PTPRD: variants seen among roughly 807,000 people sequenced by gnomAD.
PTPRD encodes protein tyrosine phosphatase receptor type D.
Under a neutral mutation model 214.5 loss-of-function variants are expected in PTPRD, and 34 were observed. The ratio of observed to expected loss-of-function variants is 0.16; its 90% CI spans 0.12 to 0.21. The LOEUF is 0.21. Among genes scored for constraint, PTPRD ranks in the 10% least tolerant of loss-of-function variants. The pLI, the probability that PTPRD is intolerant of heterozygous loss-of-function variation, is 1.00. For missense variants in PTPRD, 2,545 were observed against 2,398.7 expected (o/e 1.06, Z -1.27); for synonymous variants, 1,128 against 845.7 (o/e 1.33, Z -5.79).
At chr9:10,545,584 C>A (rs2130845959) in intron 2 of PTPRD, among the ~76,000 whole-genome samples, 1 of 152,096 alleles carries the variant, frequency 6.6e-6, no homozygotes, top group African/African-American at 2.4e-5. Context: ...TCAAAGCATA[C>A]CATGTTTAAT....
chr9:10,302,673 T>C (rs2095901046), intron 3 of PTPRD, among the ~76,000 whole-genome samples: 3 of 152,306 alleles, frequency 2.0e-5, no homozygotes, highest in Non-Finnish European at 4.4e-5. Context: ...AAGAAGGGCA[T>C]TACATAATGG....
At chr9:8,465,831 C>G (rs1269508575) in intron 31 of PTPRD, among the ~76,000 whole-genome samples, 156 bp from the exon 32 acceptor site, 2 of 151,872 alleles carry the variant, frequency 1.3e-5, no homozygotes, top group Non-Finnish European at 2.9e-5. Context: ...TCTCAGTTCT[C>G]TCAATATTTC....
intron 35 of PTPRD, among the ~76,000 whole-genome samples, chr9:8,426,891 G>C (rs936447659): frequency 3.3e-5 from 5 of 151,436 alleles, no homozygotes; most frequent in African/African-American, 1.2e-4. Flanking sequence ...CTTGCACTTT[G>C]AGTTTTCACA....
intron 3 of PTPRD, among the ~76,000 whole-genome samples, chr9:10,059,838 G>A (rs1372686006): frequency 6.6e-6 from 1 of 150,424 alleles, no homozygotes; most frequent in Non-Finnish European, 1.5e-5. Context: ...TGGAAAATAA[G>A]GTTACTTTGG....
At chr9:8,320,944 G>A (rs145591153) in intron 44 of PTPRD, among the ~76,000 whole-genome samples, 3 of 152,202 alleles carry the variant, frequency 2.0e-5, no homozygotes, top group South Asian at 2.1e-4. Context: ...TTGGGCACGG[G>A]CTGTAGAAAA....
At chr9:9,202,611 G>A (rs2099942533) in intron 9 of PTPRD, among the ~76,000 whole-genome samples, 1 of 152,050 alleles carries the variant, frequency 6.6e-6, no homozygotes, top group Non-Finnish European at 1.5e-5. Context: ...GGGGTGTAGT[G>A]GTACATTATT....
chr9:10,381,933 T>C (rs892459160), intron 2 of PTPRD, among the ~76,000 whole-genome samples: 1 of 152,004 alleles, frequency 6.6e-6, no homozygotes, highest in Non-Finnish European at 1.5e-5. Context: ...TTGTAATATA[T>C]TTAATTTATA....
intron 14 of PTPRD, among the ~76,000 whole-genome samples, chr9:8,583,780 T>A (rs79404878): frequency 0.032 from 4,804 of 152,298 alleles, 135 homozygotes; most frequent in African/African-American, 0.075. Flanking sequence ...TATTCTGAAG[T>A]ATGCATGACA....
At chr9:8,465,706 A>T (rs140562198) in intron 31 of PTPRD, 31 bp from the exon 32 acceptor site, 1 of 1,557,928 alleles carries the variant, frequency 6.4e-7, no homozygotes, top group East Asian at 2.3e-5. Flanking sequence ...ACAGAAAAAG[A>T]ACTGTAAATA....
intron 10 of PTPRD, among the ~76,000 whole-genome samples, chr9:9,080,460 G>T (rs1165969370): frequency 6.6e-6 from 1 of 152,064 alleles, no homozygotes; most frequent in Non-Finnish European, 1.5e-5. Flanking sequence ...TACTTGAATA[G>T]ACCCTTTACA....
intron 39 of PTPRD, among the ~76,000 whole-genome samples, chr9:8,348,223 A>C (rs1055813983): frequency 6.6e-6 from 1 of 152,144 alleles, no homozygotes; most frequent in Non-Finnish European, 1.5e-5. Flanking sequence ...ATTTAGAATA[A>C]TTCTGCCTCA....
chr9:10,010,256 T>G (rs2096568604), intron 4 of PTPRD, among the ~76,000 whole-genome samples: 1 of 151,928 alleles, frequency 6.6e-6, no homozygotes, highest in African/African-American at 2.4e-5. Flanking sequence ...AGACTGAGTA[T>G]AGATTTTAAA....
chr9:9,949,427 C>T (rs2093194841), intron 4 of PTPRD, among the ~76,000 whole-genome samples: 1 of 151,904 alleles, frequency 6.6e-6, no homozygotes, highest in Non-Finnish European at 1.5e-5. Context: ...TGATTTTTAC[C>T]AATAAGCAAC....
chr9:9,031,496 G>A (rs915143829), intron 10 of PTPRD, among the ~76,000 whole-genome samples: 1 of 151,950 alleles, frequency 6.6e-6, no homozygotes, highest in African/African-American at 2.4e-5. Context: ...CAGAATATTT[G>A]TGTATCTAAA....
At chr9:9,315,485 G>T (rs563794711) in intron 9 of PTPRD, among the ~76,000 whole-genome samples, 4 of 151,878 alleles carry the variant, frequency 2.6e-5, no homozygotes, top group Non-Finnish European at 5.9e-5. Flanking sequence ...CAATTCCAAA[G>T]TCTATGTTTT....
chr9:10,058,712 C>T (rs575065847), intron 3 of PTPRD, among the ~76,000 whole-genome samples: 1 of 152,180 alleles, frequency 6.6e-6, no homozygotes, highest in Non-Finnish European at 1.5e-5. Context: ...TTTAATGGAA[C>T]ATTCAAAAGA....
intron 11 of PTPRD, among the ~76,000 whole-genome samples, chr9:8,783,030 C>T (rs960959869): frequency 2.0e-5 from 3 of 152,246 alleles, no homozygotes; most frequent in Non-Finnish European, 4.4e-5. Flanking sequence ...TAAATCTTAC[C>T]CATTCCTCAA....
chr9:9,517,220 T>C (rs1156959444), intron 8 of PTPRD, among the ~76,000 whole-genome samples: 1 of 152,134 alleles, frequency 6.6e-6, no homozygotes, highest in Non-Finnish European at 1.5e-5. Context: ...AGACTCTCTG[T>C]GTATCCACTA....
chr9:10,598,595 A>C (rs2077139884), intron 2 of PTPRD, among the ~76,000 whole-genome samples: 1 of 151,670 alleles, frequency 6.6e-6, no homozygotes, highest in African/African-American at 2.4e-5. Flanking sequence ...AATTTGCCAT[A>C]AGAATTTGGC....
Sources: gnomAD v4.1 joint callset for allele counts (sites outside exome capture counted in the v4.1 genomes callset) on GRCh38, gnomAD v4.1.1 for gene constraint, MANE v1.5 for transcripts, NCBI Gene and HGNC (gene_info 2026-07-23, HGNC 2026-07-21) for gene names.